The following NTRK3 variants were observed in gnomAD, a reference collection of about 807,000 sequenced individuals.
NTRK3 encodes neurotrophic receptor tyrosine kinase 3, also known as NT-3 growth factor receptor.
A neutral mutation model predicts 91.7 loss-of-function variants in NTRK3; 24 were observed. The observed-to-expected ratio is 0.26, with a 90% CI of 0.19 to 0.37. NTRK3 has a LOEUF of 0.37. Among genes scored for constraint, NTRK3 ranks in the 10% least tolerant of loss-of-function variants. The pLI is 1.00. For missense variants in NTRK3, 880 were observed against 1,068.9 expected, an observed-to-expected ratio of 0.82 and a Z score of 2.46; for synonymous variants, 483 against 404.0, an observed-to-expected ratio of 1.20 and a Z score of -2.34.
At chr15:88,124,482 G>A (rs1158665608) in intron 13 of NTRK3, among the ~76,000 whole-genome samples, 1 of 152,200 alleles carries the variant, frequency 6.6e-6, no homozygotes, top group Non-Finnish European at 1.5e-5. Context: ...GGTCTCAGCT[G>A]GTGGTGCGCC....
At chr15:88,065,611 A>T (rs1224836748) in intron 13 of NTRK3, among the ~76,000 whole-genome samples, 1 of 152,090 alleles carries the variant, frequency 6.6e-6, no homozygotes, top group East Asian at 1.9e-4. Flanking sequence ...TGTCCCCATG[A>T]TTTTTGTTCT....
In NTRK3 at chr15:88,235,271, G is replaced by A. The variant is rs1267630380; in HGVS notation, c.248+20635C>T. Among the ~76,000 whole-genome samples, 4 of 152,202 alleles carry A rather than the reference G, an allele frequency of 2.6e-5. No individual in the cohort carries two copies. The highest frequency in any genetic ancestry group is 4.1e-4 in the South Asian group (2 of 4,834). On this transcript the variant is annotated intron_variant, in intron 3 of 18. Transcript: ENST00000394480. This position sits in a 1 kb window ranked among gnomAD's most constrained non-coding sequence, Gnocchi z 5.2. ...ATCACAGAATCACCAACATGAATGAGTAAGGCCTGTGTCGCTGTCTACCCT... is the reference window on the plus strand; with the variant it reads ...ATCACAGAATCACCAACATGAATGAATAAGGCCTGTGTCGCTGTCTACCCT...
exon 19 of NTRK3, chr15:87,865,008 C>T (rs3743163): frequency 0.67 from 142,873 of 213,044 alleles, 48,111 homozygotes; most frequent in East Asian, 0.71. Flanking sequence ...CTTTTCTACA[C>T]AAGAAAAACA....
chr15:88,234,013 G>T lies in NTRK3; in HGVS notation c.248+21893C>A, dbSNP rs1308669941. ...ATATATTTTAGCAAGTGCCATTCCT[G>T]AGCTGGAGTCCCTTTCTGCCACCAT... On this transcript the variant is annotated intron_variant, in intron 3 of 18. Coordinates refer to ENST00000394480, the Ensembl canonical transcript of NTRK3. This position sits in a 1 kb window ranked among gnomAD's most constrained non-coding sequence, Gnocchi z 6.1. Among the ~76,000 whole-genome samples the T allele has an allele frequency of 6.6e-6, 1 of 152,126 alleles. No homozygotes were observed. The highest frequency in any genetic ancestry group is 2.4e-5 in the African/African-American group (1 of 41,426).
rs116932643 is a variant in NTRK3 at position 87,933,455 on chromosome 15, C to T, written c.1717-271G>A. ...TTTCAAGCTCTGTTCTTCACAGAGC[C>T]CTGGGCTTCCGCAGGTGAGTGTACA... On this transcript the variant is annotated intron_variant, in intron 15 of 18. Coordinates refer to ENST00000394480, the Ensembl canonical transcript of NTRK3. Among the ~76,000 whole-genome samples the T allele has an allele frequency of 0.019, 2,909 of 152,330 alleles. 44 individuals carry two copies. The highest frequency in any genetic ancestry group is 0.032 in the East Asian group (166 of 5,166).
intron 3 of NTRK3, among the ~76,000 whole-genome samples, chr15:88,199,877 C>T (rs78748660): frequency 0.056 from 8,510 of 152,250 alleles, 368 homozygotes; most frequent in Admixed American, 0.12. Flanking sequence ...TGGAGTTCAG[C>T]AGGACAGCCT....
intron 14 of NTRK3, among the ~76,000 whole-genome samples, chr15:87,953,307 C>A (rs549072625): frequency 2.5e-4 from 38 of 152,316 alleles, no homozygotes; most frequent in African/African-American, 9.1e-4. Flanking sequence ...CACCAAGCTC[C>A]GAGTTTGCTG....
chr15:88,007,664 G>A (rs1330020717), intron 14 of NTRK3, among the ~76,000 whole-genome samples: 1 of 152,196 alleles, frequency 6.6e-6, no homozygotes, highest in African/African-American at 2.4e-5. Context: ...TTTGTCTTAA[G>A]CCTGTTTCCA....
At chr15:88,115,715 G>A (rs558656627) in intron 13 of NTRK3, among the ~76,000 whole-genome samples, 1 of 152,178 alleles carries the variant, frequency 6.6e-6, no homozygotes, top group Non-Finnish European at 1.5e-5. Flanking sequence ...GCAGTAAATT[G>A]GAGGGCAGGG....
In NTRK3 at chr15:88,234,874, C is replaced by T. The variant is rs1313198330; in HGVS notation, c.248+21032G>A. On this transcript the variant is annotated intron_variant, in intron 3 of 18. Coordinates refer to ENST00000394480, the Ensembl canonical transcript of NTRK3. The surrounding 1 kb of genome is among the most constrained non-coding windows in gnomAD (Gnocchi z 6.1). ...CTCCCACTCCCACCAGCGCACCCTA[C>T]TCAGCCCTGCTCCCAGGGCCTCCTA... 6.6e-6 allele frequency among the ~76,000 whole-genome samples: 1 copy of T among 152,182 alleles called. No homozygotes were observed. The highest frequency in any genetic ancestry group is 1.5e-5 in the Non-Finnish European group (1 of 68,016).
At chr15:87,872,072 T>G (rs763877601) in exon 19 of NTRK3, 3 of 221,644 alleles carry the variant, frequency 1.4e-5, no homozygotes, top group Non-Finnish European at 2.7e-5. Flanking sequence ...GTGCCATTTT[T>G]TTTTCTCTCT....
intron 13 of NTRK3, among the ~76,000 whole-genome samples, chr15:88,097,764 T>C (rs1036490609): frequency 6.6e-6 from 1 of 152,228 alleles, no homozygotes; most frequent in Non-Finnish European, 1.5e-5. Flanking sequence ...ATTTATGATA[T>C]ACTATGTGAA....
At chr15:88,042,359 CA>C (rs2079719245) in intron 13 of NTRK3, among the ~76,000 whole-genome samples, 1 of 152,172 alleles carries the variant, frequency 6.6e-6, no homozygotes, top group South Asian at 2.1e-4. Context: ...TGCTCAAGAA[CA>C]GACCTGGGGA....
At chr15:88,044,361 C>T (rs1485193268) in intron 13 of NTRK3, among the ~76,000 whole-genome samples, 1 of 148,698 alleles carries the variant, frequency 6.7e-6, no homozygotes, top group African/African-American at 2.5e-5. Context: ...CCCGGGTTCA[C>T]TCCATTCTCC....
intron 5 of NTRK3, among the ~76,000 whole-genome samples, chr15:88,172,482 G>C (rs2045610321): frequency 6.6e-6 from 1 of 152,182 alleles, no homozygotes; most frequent in Non-Finnish European, 1.5e-5. Context: ...ACTAGGAGAT[G>C]CACAGCCCAG....
At chr15:88,070,884 A>G (rs2047036758) in intron 13 of NTRK3, among the ~76,000 whole-genome samples, 1 of 152,208 alleles carries the variant, frequency 6.6e-6, no homozygotes, top group African/African-American at 2.4e-5. Context: ...CCAAGGAGAG[A>G]GAAAAGGAAG....
chr15:87,958,299 C>T (rs1030397891), intron 14 of NTRK3, among the ~76,000 whole-genome samples: 1 of 152,140 alleles, frequency 6.6e-6, no homozygotes, highest in Admixed American at 6.5e-5. Flanking sequence ...AGTAAGATAA[C>T]TTCAGCCCAC....
intron 14 of NTRK3, among the ~76,000 whole-genome samples, chr15:88,019,447 G>A (rs2077458184): frequency 6.6e-6 from 1 of 152,232 alleles, no homozygotes; most frequent in Admixed American, 6.5e-5. Flanking sequence ...CAGGGAAAAT[G>A]AGTTCCATTC....
intron 10 of NTRK3, among the ~76,000 whole-genome samples, chr15:88,129,127 A>C (rs1446411719): frequency 1.3e-5 from 2 of 152,182 alleles, no homozygotes; most frequent in Admixed American, 1.3e-4. Flanking sequence ...TTCTTTGAAA[A>C]TGCCAGGTAT....
Sources: gnomAD v4.1 joint callset for allele counts (sites outside exome capture counted in the v4.1 genomes callset) on GRCh38, gnomAD v4.1.1 for gene constraint, Gnocchi (gnomAD v3.1) non-coding constraint, MANE v1.5 for transcripts, NCBI Gene and HGNC (gene_info 2026-07-23, HGNC 2026-07-21) for gene names.